GPR107: variants seen among roughly 807,000 people sequenced by gnomAD.
GPR107 encodes the protein protein GPR107.
In GPR107, 31 loss-of-function variants were observed where a neutral mutation model predicts 75.5. That is an observed-to-expected ratio of 0.41 (90% CI 0.31 to 0.55). GPR107 has a LOEUF of 0.55. Among genes scored for constraint, GPR107 ranks in the 20% least tolerant of loss-of-function variants. The probability of loss-of-function intolerance (pLI) is 0.26; values close to 1 mark genes in which losing one functional copy is unlikely to be tolerated. For missense variants in GPR107, 572 were observed against 665.7 expected, an observed-to-expected ratio of 0.86 and a Z score of 1.55; for synonymous variants, 267 against 251.3, an observed-to-expected ratio of 1.06 and a Z score of -0.59.
chr9:130,117,195 C>T (rs922317999), intron 14 of GPR107, among the ~76,000 whole-genome samples: 1 of 152,182 alleles, frequency 6.6e-6, no homozygotes, highest in Non-Finnish European at 1.5e-5. Context: ...GATCGGCGCT[C>T]CTCAGCCACC....
chr9:130,124,847 C>A, intron 14 of GPR107, 68 bp from the exon 15 acceptor site: 1 of 934,402 alleles, frequency 1.1e-6, no homozygotes, highest in South Asian at 1.5e-5. Flanking sequence ...GAGAAGGTAT[C>A]TGAATGAGGC....
In GPR107 at chr9:130,090,911, C is replaced by A; in HGVS notation, c.657C>A (p.Gly219=). 1 of 1,535,838 alleles carries A rather than the reference C, an allele frequency of 6.5e-7. No individual in the cohort carries two copies. The highest frequency in any genetic ancestry group is 9.0e-7 in the Non-Finnish European group (1 of 1,109,556). Reference sequence around the variant, plus strand: ...ACATCAGCACTGATGACCAAGAAGGCCTTTACAGTCTTTATTTTCATAAAT... The same window carrying A: ...ACATCAGCACTGATGACCAAGAAGGACTTTACAGTCTTTATTTTCATAAAT... ...FFNISTDDQE[G]LYSLYFHKCL... Residue 219 remains glycine, a synonymous_variant, in exon 8 of 18, where the codon GGC becomes GGA. Transcript: ENST00000347136.
At chr9:130,082,722 G>A (rs1237539108) in intron 5 of GPR107, among the ~76,000 whole-genome samples, 5 of 151,758 alleles carry the variant, frequency 3.3e-5, no homozygotes, top group East Asian at 3.9e-4. Context: ...CTCATGATCC[G>A]CCCATCTCAG....
In GPR107 at chr9:130,101,195, A is replaced by T. The variant is rs759860772; in HGVS notation, c.1103A>T (p.Lys368Met). The T allele has an allele frequency of 1.9e-6, 3 of 1,584,124 alleles. No homozygotes were observed. Among genetic ancestry groups the T allele is most frequent in the Admixed American group, 1.7e-5 (1 of 60,008 alleles). Reference sequence around the variant, plus strand: ...CACATCCTTTCTGATAAAGACAAAAAGATCTTCATGATTGTCATTCCACTC... The same window carrying T: ...CACATCCTTTCTGATAAAGACAAAATGATCTTCATGATTGTCATTCCACTC... ...IKHILSDKDKKIFMIVIPLQV... is the reference protein window; with the variant it reads ...IKHILSDKDKMIFMIVIPLQV... The change falls in exon 12 of 18, where the codon AAG (lysine) becomes ATG (methionine). Residue 368 changes from lysine to methionine, a missense_variant. Physicochemically the swap from Lys to Met is moderately conservative, Grantham distance 95 (BLOSUM62 -1). Transcript: ENST00000347136.
intron 17 of GPR107, among the ~76,000 whole-genome samples, chr9:130,130,878 A>AG (rs1491217841): frequency 0.054 from 32 of 590 alleles, no homozygotes; most frequent in Non-Finnish European, 0.21. Flanking sequence ...CTCAAAAAAG[A>AG]AAAAAAAAAA....
At chr9:130,126,005 A>G (rs1831669340) in intron 15 of GPR107, among the ~76,000 whole-genome samples, 1 of 150,886 alleles carries the variant, frequency 6.6e-6, no homozygotes, top group African/African-American at 2.4e-5. Context: ...CAGTAAGCCG[A>G]GATAGAGTGC....
At chr9:130,086,901 A>G (rs1830626704) in intron 7 of GPR107, among the ~76,000 whole-genome samples, 1 of 152,132 alleles carries the variant, frequency 6.6e-6, no homozygotes, top group Non-Finnish European at 1.5e-5. Flanking sequence ...GCTTTGAGTG[A>G]CCTGCTTAGC....
chr9:130,101,083 C>T (rs1416122563), intron 11 of GPR107, 23 bp from the exon 12 acceptor site: 2 of 1,297,100 alleles, frequency 1.5e-6, no homozygotes, highest in South Asian at 1.2e-5. Flanking sequence ...CTGCTGGTGT[C>T]TGTTCCTTGT....
chr9:130,106,209 C>T (rs150145759), intron 13 of GPR107, among the ~76,000 whole-genome samples: 13 of 152,228 alleles, frequency 8.5e-5, no homozygotes, highest in South Asian at 6.2e-4. Flanking sequence ...CACTAATGAG[C>T]AGATTCCAAA....
intron 14 of GPR107, among the ~76,000 whole-genome samples, chr9:130,113,749 G>T (rs946321049): frequency 6.6e-6 from 1 of 152,322 alleles, no homozygotes; most frequent in African/African-American, 2.4e-5. Context: ...GTTTATTAAT[G>T]TAAGAGTGTG....
At position 130,077,597 on chromosome 9, in the gene GPR107, A is replaced by G. The variant is rs552213216; in HGVS notation, c.386+219A>G. Among the ~76,000 whole-genome samples the G allele has an allele frequency of 7.2e-5, 11 of 152,298 alleles. No homozygotes were observed. The East Asian group carries it at 1.9e-3, about 27-fold the overall frequency. The stretch of plus-strand genomic sequence containing the variant: ...CCAAACAGAGAAGTGGAAGGGAAGA[A>G]CTCATGAATTGTAGAAAGGAAGGAG... On this transcript the variant is annotated intron_variant, in intron 4 of 17. Coordinates refer to ENST00000347136, the MANE Select transcript of GPR107 (RefSeq NM_020960.5).
Position 130,067,415 on chromosome 9 carries a change from G to T in GPR107, c.142-8221G>T, listed in dbSNP as rs16931719. Among the ~76,000 whole-genome samples the T allele has an allele frequency of 1.8e-3, 270 of 152,244 alleles. 5 individuals are homozygous for T. In the East Asian group the frequency reaches 0.046, roughly 26 times the overall value. On this transcript the variant is annotated intron_variant, in intron 1 of 17. Transcript: ENST00000347136. Reference sequence around the variant, plus strand: ...CTGCTTTATAACTTAAGAAAATGGAGCTCTGGTTAAATAAGTGGAGGAGTC... The same window carrying T: ...CTGCTTTATAACTTAAGAAAATGGATCTCTGGTTAAATAAGTGGAGGAGTC...
chr9:130,122,939 AGCTGTGATCGT>A (rs972197705), intron 14 of GPR107, among the ~76,000 whole-genome samples: 1 of 152,174 alleles, frequency 6.6e-6, no homozygotes, highest in African/African-American at 2.4e-5. Context: ...GGCTGCAGTG[AGCTGTGATCGT>A]GCCACTGCAC....
chr9:130,090,030 G>A (rs144243999), intron 7 of GPR107, among the ~76,000 whole-genome samples: 120 of 152,152 alleles, frequency 7.9e-4, no homozygotes, highest in African/African-American at 2.7e-3. Flanking sequence ...TGTCTCCCTC[G>A]CAGTCCTTCC....
At chr9:130,108,204 C>G (rs1298536159) in intron 14 of GPR107, among the ~76,000 whole-genome samples, 1 of 152,234 alleles carries the variant, frequency 6.6e-6, no homozygotes, top group East Asian at 1.9e-4. Context: ...AGGAGCAGTG[C>G]TCTCTTCTCT....
intron 13 of GPR107, 44 bp from the exon 14 acceptor site, chr9:130,107,452 A>C: frequency 8.9e-7 from 1 of 1,120,142 alleles, no homozygotes; most frequent in Non-Finnish European, 1.4e-6. Flanking sequence ...AGAGGAGTGC[A>C]GATTTGTCAG....
chr9:130,062,420 G>GATGATAATAATAATA (rs748496680), intron 1 of GPR107, among the ~76,000 whole-genome samples: 1 of 139,874 alleles, frequency 7.1e-6, no homozygotes, highest in Non-Finnish European at 1.5e-5. Context: ...TCTCGAAAAT[G>GATGATAATAATAATA]ATAATAATAA....
chr9:130,081,548 C>T (rs111271851), intron 5 of GPR107, among the ~76,000 whole-genome samples: 3,671 of 152,092 alleles, frequency 0.024, 58 homozygotes, highest in Middle Eastern at 0.051. Flanking sequence ...TGGCACGTGC[C>T]TGTGATCTCA....
chr9:130,130,737 GC>G (rs1267245725), intron 17 of GPR107, among the ~76,000 whole-genome samples: 5 of 152,066 alleles, frequency 3.3e-5, no homozygotes, highest in African/African-American at 1.2e-4. Flanking sequence ...GGGCGTGGTG[GC>G]AGGCACCTGT....
Sources: allele counts gnomAD v4.1 joint callset (sites outside exome capture counted in the v4.1 genomes callset), GRCh38; gene constraint gnomAD v4.1.1; transcripts MANE v1.5; gene names NCBI Gene and HGNC (gene_info 2026-07-23, HGNC 2026-07-21).